The following KCNN2 variants were observed in gnomAD, a reference collection of about 807,000 sequenced individuals.
KCNN2 encodes potassium calcium-activated channel subfamily N member 2.
Under a neutral mutation model 55.5 loss-of-function variants are expected in KCNN2, and 24 were observed. That is an observed-to-expected ratio of 0.43 (90% CI 0.31 to 0.61). The LOEUF (loss-of-function observed/expected upper bound fraction) is 0.61. Among genes scored for constraint, KCNN2 ranks in the 20% least tolerant of loss-of-function variants. KCNN2 has a pLI of 0.08. For missense variants in KCNN2, 754 were observed against 853.6 expected (o/e 0.88, Z 1.45); for synonymous variants, 431 against 336.1 (o/e 1.28, Z -3.09).
intron 1 of KCNN2, among the ~76,000 whole-genome samples, chr5:114,121,283 A>G (rs1751826191): frequency 6.6e-6 from 1 of 152,170 alleles, no homozygotes; most frequent in South Asian, 2.1e-4. Context: ...TATCTTGGTA[A>G]GTTGATCACT....
chr5:114,257,446 G>C (rs374180263), intron 2 of KCNN2, among the ~76,000 whole-genome samples: 2 of 152,030 alleles, frequency 1.3e-5, no homozygotes, highest in Non-Finnish European at 2.9e-5. Flanking sequence ...GCTTTGGGCA[G>C]TATGGTCATT....
chr5:114,278,718 A>G (rs769548791), intron 2 of KCNN2, among the ~76,000 whole-genome samples: 1 of 152,218 alleles, frequency 6.6e-6, no homozygotes, highest in African/African-American at 2.4e-5. Context: ...TGCGAAGACC[A>G]TGGGGAAAGT....
At chr5:114,301,574 A>G (rs1252629512) in intron 2 of KCNN2, among the ~76,000 whole-genome samples, 2 of 152,068 alleles carry the variant, frequency 1.3e-5, no homozygotes, top group Non-Finnish European at 2.9e-5. Flanking sequence ...GGAGGTGGGA[A>G]CTGTTTCCAG....
intron 1 of KCNN2, among the ~76,000 whole-genome samples, chr5:114,128,623 T>C (rs1326984202): frequency 6.6e-6 from 1 of 152,220 alleles, no homozygotes; most frequent in Non-Finnish European, 1.5e-5. Context: ...ACAGTAATTG[T>C]AATAATTCAT....
At chr5:114,477,375 G>T (rs181845715) in intron 5 of KCNN2, among the ~76,000 whole-genome samples, 251 of 152,166 alleles carry the variant, frequency 1.6e-3, no homozygotes, top group African/African-American at 6.0e-3. Flanking sequence ...TATAAAAGTT[G>T]TTTCTCTGTA....
chr5:114,191,862 C>T (rs1435628216), intron 1 of KCNN2, among the ~76,000 whole-genome samples: 1 of 152,138 alleles, frequency 6.6e-6, no homozygotes, highest in Non-Finnish European at 1.5e-5. Flanking sequence ...GAGCCATTCA[C>T]CATGACCCAG....
At chr5:114,096,088 A>G (rs1395229863) in intron 1 of KCNN2, among the ~76,000 whole-genome samples, 1 of 152,072 alleles carries the variant, frequency 6.6e-6, no homozygotes, top group Non-Finnish European at 1.5e-5. Context: ...GGAGCAGTGT[A>G]ACTTAATGTC....
chr5:114,379,968 AAATT>A (rs1253110547), intron 2 of KCNN2, among the ~76,000 whole-genome samples: 2 of 150,586 alleles, frequency 1.3e-5, no homozygotes, highest in Non-Finnish European at 3.0e-5. Context: ...TAAGTATAGA[AAATT>A]AATGTGTTAT....
chr5:114,403,708 G>T (rs1237768383), intron 2 of KCNN2, among the ~76,000 whole-genome samples: 2 of 152,026 alleles, frequency 1.3e-5, no homozygotes, highest in Admixed American at 6.5e-5. Flanking sequence ...TATTTACTTT[G>T]CTTTCTCGCT....
chr5:114,226,772 G>A (rs1046035080), intron 2 of KCNN2, among the ~76,000 whole-genome samples: 2 of 151,868 alleles, frequency 1.3e-5, no homozygotes, highest in Non-Finnish European at 2.9e-5. Context: ...ATGGTGGCGG[G>A]CACCTGTAGT....
At chr5:114,312,565 C>A (rs963278538) in intron 2 of KCNN2, among the ~76,000 whole-genome samples, 1 of 149,810 alleles carries the variant, frequency 6.7e-6, no homozygotes, top group Admixed American at 6.7e-5. Flanking sequence ...TTTACTCTGC[C>A]CAAAATTCTT....
At chr5:114,396,980 A>AT (rs747474684) in intron 2 of KCNN2, among the ~76,000 whole-genome samples, 38 of 151,834 alleles carry the variant, frequency 2.5e-4, no homozygotes, top group Non-Finnish European at 4.4e-5. Context: ...GTGGTATTTG[A>AT]TTTTCTATTC....
chr5:114,462,916 C>A, intron 3 of KCNN2, 133 bp from the exon 4 acceptor site: 1 of 832,792 alleles, frequency 1.2e-6, no homozygotes, highest in Non-Finnish European at 1.9e-6. Context: ...TGTTTATATT[C>A]ACAAGCTTTG....
intron 2 of KCNN2, among the ~76,000 whole-genome samples, chr5:114,293,008 A>G (rs1390780702): frequency 6.6e-6 from 1 of 152,192 alleles, no homozygotes; most frequent in Non-Finnish European, 1.5e-5. Flanking sequence ...TTATTGGTGC[A>G]TAAGAATGCT....
At chr5:114,229,522 A>G (rs1754312102) in intron 2 of KCNN2, among the ~76,000 whole-genome samples, 1 of 151,980 alleles carries the variant, frequency 6.6e-6, no homozygotes, top group African/African-American at 2.4e-5. Flanking sequence ...TTCCTTAAAA[A>G]ATTCTGTTTG....
chr5:114,469,832 G>A (rs1046636995), intron 4 of KCNN2, among the ~76,000 whole-genome samples: 1 of 152,060 alleles, frequency 6.6e-6, no homozygotes, highest in Admixed American at 6.6e-5. Flanking sequence ...AAAAATAAAG[G>A]TTACTTTCAT....
At chr5:114,479,863 C>T (rs1054143057) in intron 5 of KCNN2, among the ~76,000 whole-genome samples, 1 of 152,178 alleles carries the variant, frequency 6.6e-6, no homozygotes, top group African/African-American at 2.4e-5. Flanking sequence ...AGCAGAATCT[C>T]TGGGATGCAG....
At chr5:114,094,123 TG>T (rs1030718892) in intron 1 of KCNN2, among the ~76,000 whole-genome samples, 1 of 152,210 alleles carries the variant, frequency 6.6e-6, no homozygotes, top group African/African-American at 2.4e-5. Context: ...GCCTTATTTA[TG>T]GGTGACCTTG....
At chr5:114,294,214 T>C (rs1755959470) in intron 2 of KCNN2, among the ~76,000 whole-genome samples, 1 of 152,136 alleles carries the variant, frequency 6.6e-6, no homozygotes, top group East Asian at 1.9e-4. Context: ...CCGATTTTAG[T>C]TATTTCTTGC....
Sources: allele counts gnomAD v4.1 joint callset (sites outside exome capture counted in the v4.1 genomes callset), GRCh38; gene constraint gnomAD v4.1.1; transcripts MANE v1.5; gene names NCBI Gene and HGNC (gene_info 2026-07-23, HGNC 2026-07-21).